Variants in SETD5 observed in about 807,000 individuals in gnomAD.
SETD5 encodes SET domain containing 5.
In SETD5, 44 loss-of-function variants were observed where a neutral mutation model predicts 153.3. The observed-to-expected ratio is 0.29, with a 90% CI of 0.23 to 0.37. The LOEUF (loss-of-function observed/expected upper bound fraction) is 0.37. Ranked by LOEUF, SETD5 falls within the 10% of genes least tolerant of loss-of-function variation. SETD5 has a pLI of 1.00. For synonymous variants in SETD5, 716 were observed against 645.2 expected (o/e 1.11, Z -1.66); for missense variants, 1,544 against 1,768.0 (o/e 0.87, Z 2.27).
intron 16 of SETD5, among the ~76,000 whole-genome samples, chr3:9,450,792 G>A (rs1237082736): frequency 6.6e-6 from 1 of 152,106 alleles, no homozygotes; most frequent in Non-Finnish European, 1.5e-5. Flanking sequence ...GTAAGGGCCT[G>A]GCCTTGTAAG....
At chr3:9,441,537 G>C in intron 8 of SETD5, 56 bp from the exon 9 acceptor site, 2 of 1,503,810 alleles carry the variant, frequency 1.3e-6, no homozygotes, top group Non-Finnish European at 1.8e-6. Flanking sequence ...AGTAATTTGA[G>C]TGTCTACTAA....
intron 3 of SETD5, chr3:9,432,394 A>C (rs528501828): frequency 3.2e-5 from 15 of 474,256 alleles, no homozygotes; most frequent in Middle Eastern, 1.1e-3. Context: ...ACCACATTGA[A>C]CTGCACACTT....
At chr3:9,437,785 C>T (rs1442113491) in intron 7 of SETD5, among the ~76,000 whole-genome samples, 1 of 151,980 alleles carries the variant, frequency 6.6e-6, no homozygotes, top group Non-Finnish European at 1.5e-5. Context: ...AGTGGATCAC[C>T]TGAGGTCAGG....
At position 9,453,863 on chromosome 3, in the gene SETD5, A is replaced by G. The variant is rs779732321; in HGVS notation, c.2471A>G (p.Asn824Ser). The G allele has an allele frequency of 3.2e-6, 5 of 1,572,464 alleles. No homozygotes were observed. The South Asian group carries it at 3.6e-5, about 11-fold the overall frequency. ...AGCTCTTCTAGTATCTGCAAAGACA[A>G]TGCAGGTACGTATCTAAAACCTTTC... ...NSSSSSICKD[N>S]ADLLSPLKKW... The change falls in exon 17 of 23, where the codon AAT (asparagine) becomes AGT (serine). Residue 824 changes from asparagine to serine, a missense_variant. Physicochemically the swap from Asn to Ser is conservative, Grantham distance 46 (BLOSUM62 1). Coordinates refer to ENST00000402198, the MANE Select transcript of SETD5 (RefSeq NM_001080517.3).
chr3:9,443,981 G>A (rs1463964124), intron 11 of SETD5, among the ~76,000 whole-genome samples: 2 of 152,172 alleles, frequency 1.3e-5, no homozygotes, highest in African/African-American at 4.8e-5. Flanking sequence ...AGAATCACTC[G>A]AACCTGAGAG....
chr3:9,447,743 C>T lies in SETD5; in HGVS notation c.1840C>T (p.Arg614Trp). The T allele has an allele frequency of 5.6e-6, 9 of 1,613,954 alleles. No individual in the cohort carries two copies. Among genetic ancestry groups the T allele is most frequent in the Non-Finnish European group, 7.6e-6 (9 of 1,179,880 alleles). ...ACCTCCAGCAAAGCCTTCTAGGCCC[C>T]GGCCGAAGAGTCGAATTTCTCGGTA... is the stretch of plus-strand genomic sequence containing the variant. ...KPPPAKPSRPRPKSRISRYRT... is the reference protein window; with the variant it reads ...KPPPAKPSRPWPKSRISRYRT... The change falls in exon 15 of 23, where the codon CGG becomes TGG. Residue 614 changes from arginine to tryptophan, a missense_variant. By Grantham distance (101) the Arg-to-Trp change is moderately radical. This residue lies in a region of SETD5 where 782 missense variants were observed against 787.2 expected (regional missense o/e 0.99). Transcript: ENST00000402198.
chr3:9,444,643 C>T (rs1317231438), intron 11 of SETD5, among the ~76,000 whole-genome samples: 1 of 152,006 alleles, frequency 6.6e-6, no homozygotes, highest in Non-Finnish European at 1.5e-5. Flanking sequence ...GTAATCCCAG[C>T]ACTTTGGGAG....
chr3:9,419,445 G>C (rs767208487), intron 1 of SETD5, among the ~76,000 whole-genome samples: 2 of 152,106 alleles, frequency 1.3e-5, no homozygotes, highest in Non-Finnish European at 2.9e-5. Flanking sequence ...ATGCGTCTGT[G>C]GTCCCAGCTA....
intron 19 of SETD5, among the ~76,000 whole-genome samples, chr3:9,472,849 G>C (rs1575614071): frequency 6.6e-6 from 1 of 152,042 alleles, no homozygotes; most frequent in Non-Finnish European, 1.5e-5. Flanking sequence ...AACTATACAA[G>C]CTTCCAATTC....
chr3:9,416,350 T>C (rs1258953702), intron 1 of SETD5, among the ~76,000 whole-genome samples: 3 of 152,204 alleles, frequency 2.0e-5, no homozygotes, highest in Non-Finnish European at 4.4e-5. Context: ...CTGCCTGCTT[T>C]GGGGTGTTTC....
At position 9,447,270 on chromosome 3, in the gene SETD5, G is replaced by A; in HGVS notation, c.1745G>A (p.Ser582Asn). The change falls in exon 14 of 23, where the codon AGT becomes AAT. Residue 582 changes from serine to asparagine, a missense_variant. Physicochemically the swap from Ser to Asn is conservative, Grantham distance 46. Around this residue, in one of 9 missense-constraint regions of SETD5, gnomAD observed 782 missense variants for 787.2 expected, o/e 0.99. Transcript: ENST00000402198. The stretch of plus-strand genomic sequence containing the variant: ...GTTACCATCCCAAGCACCCCACAGA[G>A]TGTTGGTGTGAATACCCGGAGGTCT... ...SNVTIPSTPQ[S>N]VGVNTRRSSQ... 6.2e-7 allele frequency: 1 copy of A among 1,614,020 alleles called. No individual in the cohort carries two copies. Among genetic ancestry groups the A allele is most frequent in the South Asian group, 1.1e-5 (1 of 91,084 alleles).
Position 9,473,297 on chromosome 3 carries a change from G to A in SETD5, c.3257G>A (p.Gly1086Glu). 1.2e-6 allele frequency: 2 copies of A among 1,614,004 alleles called. No individual in the cohort carries two copies. The highest frequency in any genetic ancestry group is 1.7e-6 in the Non-Finnish European group (2 of 1,179,892). ...GCTAAGGAAAATTCTGCTGGTGGGGGAGGTGACTCTGCACAGAGCAAAAGC... is the reference window on the plus strand; with the variant it reads ...GCTAAGGAAAATTCTGCTGGTGGGGAAGGTGACTCTGCACAGAGCAAAAGC... The part of the protein sequence containing the change: ...QEAKENSAGG[G>E]GDSAQSKSKS... Residue 1086 changes from glycine (G) to glutamate (E), a missense_variant, in exon 20 of 23, where the codon GGA becomes GAA. Physicochemically the swap from Gly to Glu is moderately conservative, Grantham distance 98. Around this residue, in one of 9 missense-constraint regions of SETD5, gnomAD observed 93 missense variants for 93.4 expected, o/e 1.00. Transcript: ENST00000402198.
At chr3:9,435,243 C>CA (rs5846637) in intron 6 of SETD5, among the ~76,000 whole-genome samples, 1,999 of 79,958 alleles carry the variant, frequency 0.025, 22 homozygotes, top group African/African-American at 0.036. Context: ...AACTCCCTCT[C>CA]AAAAAAAAAA....
intron 17 of SETD5, among the ~76,000 whole-genome samples, chr3:9,455,262 C>T (rs2043105763): frequency 1.4e-5 from 2 of 147,286 alleles, no homozygotes; most frequent in Middle Eastern, 3.3e-3. Context: ...CCCGCCACCT[C>T]ACCCGGCAAA....
chr3:9,431,808 A>G (rs2039997199), intron 3 of SETD5: 1 of 869,314 alleles, frequency 1.2e-6, no homozygotes, highest in Non-Finnish European at 1.4e-6. Flanking sequence ...ATTTCATGCA[A>G]CTTTCCTTTT....
chr3:9,469,011 A>G (rs554493101), intron 18 of SETD5, among the ~76,000 whole-genome samples: 41 of 152,270 alleles, frequency 2.7e-4, no homozygotes, highest in African/African-American at 9.6e-4. Context: ...GCCTTGTTCT[A>G]GGGTTAATCT....
At chr3:9,464,852 C>T in intron 18 of SETD5, 180 bp downstream of exon 18, 3 of 886,254 alleles carry the variant, frequency 3.4e-6, no homozygotes, top group Non-Finnish European at 5.1e-6. Context: ...ATCTTGGCAG[C>T]CCCTATGCTT....
intron 16 of SETD5, among the ~76,000 whole-genome samples, 192 bp downstream of exon 16, chr3:9,448,822 T>A (rs899932253): frequency 1.3e-5 from 2 of 152,230 alleles, no homozygotes; most frequent in Admixed American, 1.3e-4. Flanking sequence ...TGTGGTGGAA[T>A]GAATGTACTG....
intron 3 of SETD5, chr3:9,429,859 G>A (rs1226014283): frequency 1.0e-5 from 13 of 1,303,460 alleles, no homozygotes; most frequent in Admixed American, 2.3e-5. Context: ...CTTTCAAGAC[G>A]AAGTGGCACT....
Sources: allele counts gnomAD v4.1 joint callset (sites outside exome capture counted in the v4.1 genomes callset), GRCh38; gene constraint gnomAD v4.1.1; regional missense constraint gnomAD v4.1.1; transcripts MANE v1.5; gene names NCBI Gene and HGNC (gene_info 2026-07-23, HGNC 2026-07-21).